Variants in WNT9B observed in about 807,000 individuals in gnomAD.
WNT9B encodes the protein protein Wnt-9b.
Under a neutral mutation model 30.2 loss-of-function variants are expected in WNT9B, and 12 were observed. The observed-to-expected ratio is 0.40, with a 90% CI of 0.26 to 0.64. The LOEUF (loss-of-function observed/expected upper bound fraction) is 0.64, where lower values mean the gene tolerates loss of function less well. Ranked by LOEUF, WNT9B falls within the 30% of genes least tolerant of loss-of-function variation. The probability of loss-of-function intolerance (pLI) is 0.42; values close to 1 mark genes in which losing one functional copy is unlikely to be tolerated. For synonymous variants in WNT9B, 218 were observed against 216.9 expected, an observed-to-expected ratio of 1.01 and a Z score of -0.05; for missense variants, 442 against 485.2, an observed-to-expected ratio of 0.91 and a Z score of 0.84.
intron 1 of WNT9B, among the ~76,000 whole-genome samples, chr17:46,856,453 G>A (rs890058002): frequency 3.3e-5 from 5 of 151,348 alleles, no homozygotes; most frequent in South Asian, 2.1e-4. Context: ...CCCCCAAATC[G>A]TTGTTATATA....
upstream of WNT9B, among the ~76,000 whole-genome samples, chr17:46,846,793 G>T (rs2084780462): frequency 1.3e-5 from 2 of 152,238 alleles, no homozygotes; most frequent in Non-Finnish European, 2.9e-5. Context: ...AGAAGAGGGA[G>T]GGAGGGAGGA....
At chr17:46,833,632 G>A (rs1457093193) in intron 1 of WNT9B, among the ~76,000 whole-genome samples, 3 of 152,164 alleles carry the variant, frequency 2.0e-5, no homozygotes, top group Admixed American at 1.3e-4. Flanking sequence ...GAGGGTGTGT[G>A]TGAGTCAGTT....
intron 2 of WNT9B, among the ~76,000 whole-genome samples, chr17:46,873,016 G>A (rs1337331280): frequency 2.6e-5 from 4 of 151,782 alleles, no homozygotes; most frequent in Admixed American, 1.3e-4. Context: ...AAGAGAGGAG[G>A]AGACACAAGC....
rs774472255 is a variant in WNT9B at position 46,878,965 on chromosome 17, T to G, written c.*2247T>G. ...CTTCTTCCTTGCTCTCATCCCTTTCTTTTCCAGTTACCCCTGAAGACCCAC... is the reference window on the plus strand; with the variant it reads ...CTTCTTCCTTGCTCTCATCCCTTTCGTTTCCAGTTACCCCTGAAGACCCAC... On this transcript the variant is annotated 3_prime_UTR_variant, in exon 4 of 4. Coordinates refer to ENST00000290015, the MANE Select transcript of WNT9B (RefSeq NM_003396.3). 1.3e-5 allele frequency among the ~76,000 whole-genome samples: 2 copies of G among 152,160 alleles called. No individual in the cohort carries two copies. Among genetic ancestry groups the G allele is most frequent in the African/African-American group, 4.8e-5 (2 of 41,430 alleles).
At chr17:46,836,720 G>T (rs1464397535) in intron 1 of WNT9B, among the ~76,000 whole-genome samples, 2 of 152,168 alleles carry the variant, frequency 1.3e-5, no homozygotes, top group Non-Finnish European at 2.9e-5. Context: ...CAGGCTGGAG[G>T]TGAGCAGGGT....
At chr17:46,859,366 A>G (rs952655371) in intron 1 of WNT9B, among the ~76,000 whole-genome samples, 7 of 152,194 alleles carry the variant, frequency 4.6e-5, no homozygotes, top group African/African-American at 7.2e-5. Flanking sequence ...TATTTTGCAT[A>G]TGAATGTCCA....
At chr17:46,874,067 G>C (rs547484177) in intron 2 of WNT9B, among the ~76,000 whole-genome samples, 1 of 151,890 alleles carries the variant, frequency 6.6e-6, no homozygotes, top group East Asian at 1.9e-4. Context: ...TCCACGGTCT[G>C]CAGCCAAGCT....
chr17:46,857,920 T>TTTG (rs34491793), intron 1 of WNT9B, among the ~76,000 whole-genome samples: 65,726 of 151,326 alleles, frequency 0.43, 17,447 homozygotes, highest in East Asian at 0.8. Context: ...CTTTATGTAT[T>TTTG]TTGTTGTTGT....
At chr17:46,866,069 G>A (rs182103642) in intron 1 of WNT9B, among the ~76,000 whole-genome samples, 16 of 152,322 alleles carry the variant, frequency 1.1e-4, no homozygotes, top group East Asian at 1.9e-4. Context: ...GCTGCAGGAC[G>A]TCATGGAGGA....
At chr17:46,839,437 T>G (rs1421321025) in intron 1 of WNT9B, among the ~76,000 whole-genome samples, 1 of 152,224 alleles carries the variant, frequency 6.6e-6, no homozygotes, top group Non-Finnish European at 1.5e-5. Context: ...GTATGGTAGC[T>G]GCCACTGGGC....
In WNT9B at chr17:46,851,643, G is replaced by T. The variant is rs926793763; in HGVS notation, c.5G>T (p.Arg2Leu). The change falls in exon 1 of 4, where the codon CGC becomes CTC. Residue 2 changes from arginine (R) to leucine (L), a missense_variant. Coordinates refer to ENST00000290015, the MANE Select transcript of WNT9B (RefSeq NM_003396.3). This position sits in a 1 kb window ranked among gnomAD's most constrained non-coding sequence, Gnocchi z 4.3. ...GGGCGCAGCGCCGCCAGCACCATGC[G>T]CCCCCCGCCCGCGCTGGCCCTGGCC... MRPPPALALAGL... is the reference protein window; with the variant it reads MLPPPALALAGL... 10 of 1,275,762 alleles carry T rather than the reference G, an allele frequency of 7.8e-6. No homozygotes were observed. Among genetic ancestry groups the T allele is most frequent in the East Asian group, 3.3e-5 (1 of 30,654 alleles). 79.0% of individuals were successfully genotyped at this position (1,275,762 alleles called of 1,614,324 possible).
At chr17:46,836,644 A>C (rs1379987260) in intron 1 of WNT9B, among the ~76,000 whole-genome samples, 1 of 152,200 alleles carries the variant, frequency 6.6e-6, no homozygotes, top group East Asian at 1.9e-4. Context: ...AATATGCCGC[A>C]TGTTGGGAAA....
At chr17:46,882,889 C>T (rs191780215), downstream of WNT9B, among the ~76,000 whole-genome samples, 1 of 152,268 alleles carries the variant, frequency 6.6e-6, no homozygotes, top group Non-Finnish European at 1.5e-5. Context: ...ATAGGTGGCT[C>T]TGTGCAGGCT....
chr17:46,877,009 C>G lies in WNT9B; in HGVS notation c.*291C>G. 1.6e-6 allele frequency: 2 copies of G among 1,231,718 alleles called. No individual in the cohort carries two copies. 76.3% of individuals were successfully genotyped at this position (1,231,718 alleles called of 1,614,324 possible). On this transcript the variant is annotated 3_prime_UTR_variant, in exon 4 of 4. Transcript: ENST00000290015. ...AGACATGGAGGGAAATAAGGGAGAC[C>G]AAGAGCACAGCAGGACTGAAATTTT...
chr17:46,859,581 C>T (rs1223663585), intron 1 of WNT9B, among the ~76,000 whole-genome samples: 5 of 152,180 alleles, frequency 3.3e-5, no homozygotes, highest in Non-Finnish European at 7.3e-5. Context: ...CTTTTATATT[C>T]CTAGATTACT....
At chr17:46,844,809 C>CCCTT (rs61466292) in intron 1 of WNT9B, among the ~76,000 whole-genome samples, 32,292 of 150,644 alleles carry the variant, frequency 0.21, 4,583 homozygotes, top group African/African-American at 0.39. Flanking sequence ...CTCCCTCCTT[C>CCCTT]CCTTCCTTCC....
intron 1 of WNT9B, among the ~76,000 whole-genome samples, chr17:46,866,173 A>T (rs1401655413): frequency 6.6e-6 from 1 of 152,136 alleles, no homozygotes; most frequent in Non-Finnish European, 1.5e-5. Flanking sequence ...GGGGCCTCCC[A>T]GTGTAACAGC....
intron 1 of WNT9B, among the ~76,000 whole-genome samples, chr17:46,862,966 T>C (rs527459937): frequency 7.8e-4 from 119 of 152,334 alleles, no homozygotes; most frequent in African/African-American, 2.7e-3. Context: ...CAAGCACAGA[T>C]CTTCCCCAGG....
At chr17:46,858,519 C>T (rs945195571) in intron 1 of WNT9B, among the ~76,000 whole-genome samples, 13 of 151,726 alleles carry the variant, frequency 8.6e-5, no homozygotes, top group South Asian at 2.1e-4. Context: ...TGATATCTTT[C>T]GGTCCTCCAG....
Sources: allele counts gnomAD v4.1 joint callset (sites outside exome capture counted in the v4.1 genomes callset), GRCh38; gene constraint gnomAD v4.1.1; non-coding constraint Gnocchi (gnomAD v3.1); transcripts MANE v1.5; gene names NCBI Gene and HGNC (gene_info 2026-07-23, HGNC 2026-07-21).